Variants in CDH12 observed in about 807,000 individuals in gnomAD.
CDH12 encodes cadherin-12.
Under a neutral mutation model 74.1 loss-of-function variants are expected in CDH12, and 41 were observed. The ratio of observed to expected loss-of-function variants is 0.55; its 90% confidence interval spans 0.43 to 0.72. The LOEUF (loss-of-function observed/expected upper bound fraction) is 0.72. Among genes scored for constraint, CDH12 ranks in the 30% least tolerant of loss-of-function variants. The pLI is 0.00. For missense variants in CDH12, 945 were observed against 977.2 expected (o/e 0.97, Z 0.44); for synonymous variants, 399 against 355.0 (o/e 1.12, Z -1.39).
chr5:21,979,435 G>C (rs1757211688), intron 5 of CDH12, among the ~76,000 whole-genome samples: 1 of 152,068 alleles, frequency 6.6e-6, no homozygotes, highest in South Asian at 2.1e-4. Context: ...GCCAAAGAAG[G>C]CTTAAAAAAG....
intron 3 of CDH12, among the ~76,000 whole-genome samples, chr5:22,303,993 A>G (rs899838535): frequency 1.3e-5 from 2 of 152,184 alleles, no homozygotes; most frequent in East Asian, 3.9e-4. Flanking sequence ...TAAACATTTT[A>G]TAACAACCCC....
At chr5:22,423,206 T>TA (rs58915238) in intron 2 of CDH12, among the ~76,000 whole-genome samples, 8,178 of 121,366 alleles carry the variant, frequency 0.067, 487 homozygotes, top group African/African-American at 0.17. Flanking sequence ...GTAAACACAG[T>TA]AAAAAAAAAA....
chr5:22,598,600 T>TA (rs1240394444), intron 1 of CDH12, among the ~76,000 whole-genome samples: 1 of 152,290 alleles, frequency 6.6e-6, no homozygotes, highest in Non-Finnish European at 1.5e-5. Context: ...CTAATACACA[T>TA]ATGTTGCCCA....
chr5:22,223,296 G>A (rs529850645), intron 3 of CDH12, among the ~76,000 whole-genome samples: 2 of 152,042 alleles, frequency 1.3e-5, no homozygotes, highest in East Asian at 3.9e-4. Context: ...TGAAGTCAAG[G>A]TGTCTGTCAA....
chr5:22,640,850 A>G (rs1470729204), intron 1 of CDH12, among the ~76,000 whole-genome samples: 2 of 152,186 alleles, frequency 1.3e-5, no homozygotes, highest in Non-Finnish European at 2.9e-5. Context: ...GTCACTATTC[A>G]TACGATTCTC....
intron 6 of CDH12, among the ~76,000 whole-genome samples, chr5:21,974,850 T>C (rs1756993579): frequency 6.6e-6 from 1 of 152,220 alleles, no homozygotes; most frequent in East Asian, 1.9e-4. Flanking sequence ...AAGGATTCTA[T>C]GAATTCAGGT....
intron 3 of CDH12, among the ~76,000 whole-genome samples, chr5:22,398,338 G>A (rs1742553520): frequency 6.6e-6 from 1 of 152,094 alleles, no homozygotes; most frequent in South Asian, 2.1e-4. Context: ...AACAATGGAA[G>A]CCCCACTGGG....
At chr5:21,778,519 CTA>C (rs1466802992) in intron 11 of CDH12, among the ~76,000 whole-genome samples, 1 of 127,964 alleles carries the variant, frequency 7.8e-6, no homozygotes, top group African/African-American at 3.0e-5. Flanking sequence ...GGAAAAATCT[CTA>C]TTTTTTTTTT....
chr5:22,400,735 G>A (rs761244235), intron 3 of CDH12, among the ~76,000 whole-genome samples: 10 of 151,948 alleles, frequency 6.6e-5, no homozygotes, highest in Non-Finnish European at 1.3e-4. Flanking sequence ...GTATAGCTTT[G>A]CAAAAAAAAT....
intron 6 of CDH12, among the ~76,000 whole-genome samples, chr5:21,953,838 T>A (rs1436150875): frequency 6.6e-6 from 1 of 152,116 alleles, no homozygotes; most frequent in Non-Finnish European, 1.5e-5. Context: ...CATGAGCAGA[T>A]ACATATTTAT....
At chr5:22,775,018 ATATT>A (rs1747018635) in intron 1 of CDH12, among the ~76,000 whole-genome samples, 1 of 151,350 alleles carries the variant, frequency 6.6e-6, no homozygotes, top group Non-Finnish European at 1.5e-5. Flanking sequence ...AATGTTTTAT[ATATT>A]TATATAATAT....
intron 5 of CDH12, among the ~76,000 whole-genome samples, chr5:22,043,463 T>A (rs1580160152): frequency 6.6e-6 from 1 of 151,986 alleles, no homozygotes; most frequent in East Asian, 1.9e-4. Flanking sequence ...GTCAAAAACA[T>A]ATATGACAAA....
intron 3 of CDH12, among the ~76,000 whole-genome samples, chr5:22,258,945 A>G (rs1269692444): frequency 3.9e-5 from 6 of 152,210 alleles, no homozygotes; most frequent in Admixed American, 3.9e-4. Context: ...TCATGATTGT[A>G]TTGTAACATC....
chr5:22,234,129 C>A (rs1293539816), intron 3 of CDH12, among the ~76,000 whole-genome samples: 3 of 152,074 alleles, frequency 2.0e-5, no homozygotes, highest in Non-Finnish European at 2.9e-5. Flanking sequence ...CTGCAAATAT[C>A]TTTTTAAATA....
intron 5 of CDH12, among the ~76,000 whole-genome samples, chr5:22,054,624 T>A (rs1412425035): frequency 1.3e-5 from 2 of 152,150 alleles, no homozygotes; most frequent in Non-Finnish European, 2.9e-5. Flanking sequence ...AATTAGATTT[T>A]ACCTTTCTTT....
At chr5:22,117,521 A>ATT (rs1213852469) in intron 4 of CDH12, among the ~76,000 whole-genome samples, 1 of 89,812 alleles carries the variant, frequency 1.1e-5, no homozygotes, top group Non-Finnish European at 2.1e-5. Flanking sequence ...TAATATATAT[A>ATT]TAATATATAT....
chr5:22,787,293 T>C (rs1427562714), intron 1 of CDH12, among the ~76,000 whole-genome samples: 2 of 152,208 alleles, frequency 1.3e-5, no homozygotes, highest in African/African-American at 2.4e-5. Flanking sequence ...CCCTTTTAAT[T>C]AAGTCCATAC....
chr5:22,075,818 T>G (rs1391674973), intron 5 of CDH12, among the ~76,000 whole-genome samples: 3 of 152,224 alleles, frequency 2.0e-5, no homozygotes, highest in African/African-American at 7.2e-5. Context: ...CTGATACTTT[T>G]CCTAGGCATT....
rs574188662 is a variant in CDH12 at position 22,006,443 on chromosome 5, T to C, written c.232-31058A>G. On this transcript the variant is annotated intron_variant, in intron 5 of 14. Coordinates refer to ENST00000382254, the MANE Select transcript of CDH12 (RefSeq NM_004061.5). ...AAACTTCTGCTTTTAAGTTCCAGTC[T>C]ATTGTTTCAGTCTCTACCCAGATGT... 4.7e-3 allele frequency among the ~76,000 whole-genome samples: 715 copies of C among 152,074 alleles called. 7 individuals carry two copies. Among genetic ancestry groups the C allele is most frequent in the African/African-American group, 0.017 (686 of 41,482 alleles).
Sources: gnomAD v4.1 joint callset for allele counts (sites outside exome capture counted in the v4.1 genomes callset) on GRCh38, gnomAD v4.1.1 for gene constraint, MANE v1.5 for transcripts, NCBI Gene and HGNC (gene_info 2026-07-23, HGNC 2026-07-21) for gene names.